The following OR2L3 variants were observed in gnomAD, a reference collection of about 807,000 sequenced individuals.
The protein encoded by OR2L3 is olfactory receptor 2L3.
For missense variants in OR2L3, 369 were observed against 376.6 expected, an observed-to-expected ratio of 0.98 and a Z score of 0.17; for synonymous variants, 131 against 139.1, an observed-to-expected ratio of 0.94 and a Z score of 0.41.
intron 1 of OR2L3, among the ~76,000 whole-genome samples, chr1:248,053,776 C>A (rs955973246): frequency 2.6e-5 from 4 of 152,112 alleles, no homozygotes; most frequent in African/African-American, 9.7e-5. Flanking sequence ...AATGTCTTTT[C>A]ATGTCCTTTG....
Position 248,056,855 on chromosome 1 carries a change from GC to G in OR2L3, c.-21-3803del, listed in dbSNP as rs1328480295. ...AGTAGACACAGGGTTTCACTGTGTT[GC>G]CCAGGCTTGTCAGAAACTCCTGAGC... On this transcript the variant is annotated intron_variant, in intron 1 of 1. Coordinates refer to ENST00000359959, the MANE Select transcript of OR2L3 (RefSeq NM_001004687.2). Among the ~76,000 whole-genome samples the G allele has an allele frequency of 2.4e-4, 36 of 151,892 alleles. 1 individual carries two copies. Among genetic ancestry groups the G allele is most frequent in the Non-Finnish European group, 5.9e-5 (4 of 67,976 alleles).
intron 1 of OR2L3, among the ~76,000 whole-genome samples, chr1:248,056,891 C>T (rs1558201576): frequency 6.6e-6 from 1 of 151,966 alleles, no homozygotes; most frequent in East Asian, 1.9e-4. Flanking sequence ...CTCAGGCAAT[C>T]TGCCCGCCTT....
chr1:248,060,008 C>T (rs1663571865), intron 1 of OR2L3, among the ~76,000 whole-genome samples: 1 of 151,320 alleles, frequency 6.6e-6, no homozygotes, highest in African/African-American at 2.4e-5. Flanking sequence ...CACTTCACTC[C>T]CACCTGGGTA....
Sources: allele counts gnomAD v4.1 joint callset (sites outside exome capture counted in the v4.1 genomes callset), GRCh38; gene constraint gnomAD v4.1.1; transcripts MANE v1.5; gene names NCBI Gene and HGNC (gene_info 2026-07-23, HGNC 2026-07-21).